The following MGMT variants were observed in gnomAD, a reference collection of about 807,000 sequenced individuals.
MGMT encodes O-6-methylguanine-DNA methyltransferase.
MGMT carries 14 observed loss-of-function variants against 15.9 expected under a neutral mutation model. The ratio of observed to expected loss-of-function variants is 0.88; its 90% CI spans 0.58 to 1.37. The LOEUF (loss-of-function observed/expected upper bound fraction) is 1.37. Among genes scored for constraint, MGMT ranks in the 40% most tolerant of loss-of-function variants. The pLI, the probability that MGMT is intolerant of heterozygous loss-of-function variation, is 0.00. For missense variants in MGMT, 282 were observed against 268.1 expected (o/e 1.05, Z -0.36); for synonymous variants, 130 against 118.2 (o/e 1.10, Z -0.65).
At chr10:129,627,420 AAAGAAAG>A (rs774174215) in intron 2 of MGMT, among the ~76,000 whole-genome samples, 1 of 151,156 alleles carries the variant, frequency 6.6e-6, no homozygotes, top group Non-Finnish European at 1.5e-5. Flanking sequence ...TACTCAAAAA[AAAGAAAG>A]AAAGAAAAAA....
At position 129,770,918 on chromosome 10, in the gene MGMT, G is replaced by A. The variant is rs377560414; in HGVS notation, c.*3921G>A. On this transcript the variant is annotated 3_prime_UTR_variant, in exon 5 of 5. Coordinates refer to ENST00000651593, the MANE Select transcript of MGMT (RefSeq NM_002412.5). The stretch of plus-strand genomic sequence containing the variant: ...TGGCTTCCCTCAGACCTCAGACCGT[G>A]TGGGTTTTTTTTTCTTTCTTTCTTT... Among the ~76,000 whole-genome samples the A allele has an allele frequency of 2.2e-3, 330 of 150,826 alleles. 3 individuals are homozygous for A. The highest frequency in any genetic ancestry group is 2.2e-3 in the Non-Finnish European group (152 of 68,006).
chr10:129,606,817 T>C (rs1190982423), intron 2 of MGMT, among the ~76,000 whole-genome samples: 2 of 152,262 alleles, frequency 1.3e-5, no homozygotes, highest in Non-Finnish European at 2.9e-5. Context: ...TTGAGTCACT[T>C]TGACTGTATT....
intron 2 of MGMT, among the ~76,000 whole-genome samples, chr10:129,686,199 CT>C (rs921345842): frequency 1.4e-4 from 21 of 151,188 alleles, no homozygotes; most frequent in African/African-American, 5.1e-4. Context: ...AACAGAAGCA[CT>C]TTTTTTAAAC....
chr10:129,624,887 A>C (rs543159229), intron 2 of MGMT, among the ~76,000 whole-genome samples: 1 of 152,344 alleles, frequency 6.6e-6, no homozygotes, highest in East Asian at 1.9e-4. Flanking sequence ...GACAAAGTAG[A>C]TATTAAGAAA....
chr10:129,503,832 A>G (rs1330414245), intron 1 of MGMT, among the ~76,000 whole-genome samples: 1 of 152,252 alleles, frequency 6.6e-6, no homozygotes, highest in Non-Finnish European at 1.5e-5. Flanking sequence ...TTAATGTTAC[A>G]GACTTTTTCC....
intron 2 of MGMT, among the ~76,000 whole-genome samples, chr10:129,657,901 G>T (rs1055837238): frequency 1.3e-5 from 2 of 152,062 alleles, no homozygotes; most frequent in Non-Finnish European, 2.9e-5. Context: ...TGAGTGCAAA[G>T]CCTGAACCGG....
rs554507932 is a variant in MGMT, at chr10:129,737,567, C to G, written c.275-21635C>G. Among the ~76,000 whole-genome samples, 647 of 152,360 alleles carry G rather than the reference C, an allele frequency of 4.2e-3. 10 individuals are homozygous for G. Among genetic ancestry groups the G allele is most frequent in the African/African-American group, 0.015 (611 of 41,586 alleles). On this transcript the variant is annotated intron_variant, in intron 3 of 4. Transcript: ENST00000651593. The stretch of plus-strand genomic sequence containing the variant: ...CTTCTCTCAACTCGTCAAAGTCATT[C>G]TCCATCCAGCTTTGTTCCGTTGCTG...
At position 129,767,138 on chromosome 10, in the gene MGMT, ACAG is replaced by A; in HGVS notation, c.*145_*147del. The stretch of plus-strand genomic sequence containing the variant: ...TCTGCCCTTTCTGTTTCCATATTTT[ACAG>A]CAGGATGAGTTCAGACGCCCGCGGT... On this transcript the variant is annotated 3_prime_UTR_variant, in exon 5 of 5. Transcript: ENST00000651593. The A allele has an allele frequency of 1.4e-6, 1 of 731,216 alleles. No homozygotes were observed. The highest frequency in any genetic ancestry group is 2.8e-5 in the East Asian group (1 of 35,262). The allele number at this position is 731,216 out of a possible 1,614,324, so 45.3% of individuals were successfully genotyped here.
At chr10:129,655,206 T>G (rs1277805004) in intron 2 of MGMT, among the ~76,000 whole-genome samples, 1 of 152,194 alleles carries the variant, frequency 6.6e-6, no homozygotes, top group Non-Finnish European at 1.5e-5. Flanking sequence ...GCGGAGGGCC[T>G]GGGCAGATGC....
intron 2 of MGMT, among the ~76,000 whole-genome samples, chr10:129,558,928 T>C (rs1014867092): frequency 6.6e-6 from 1 of 152,198 alleles, no homozygotes; most frequent in Non-Finnish European, 1.5e-5. Context: ...TCTGTTCTGC[T>C]CTGGGGGCGG....
chr10:129,510,029 C>G (rs1845664483), intron 1 of MGMT, among the ~76,000 whole-genome samples: 1 of 152,296 alleles, frequency 6.6e-6, no homozygotes, highest in African/African-American at 2.4e-5. Flanking sequence ...CAGTGTCCAT[C>G]TGGGGTCCTG....
chr10:129,703,251 A>G (rs1475894166), intron 2 of MGMT, among the ~76,000 whole-genome samples: 4 of 152,234 alleles, frequency 2.6e-5, no homozygotes, highest in Admixed American at 6.5e-5. Context: ...GATGAATTTT[A>G]CTACTATAAA....
At chr10:129,651,117 G>C (rs1459786105) in intron 2 of MGMT, among the ~76,000 whole-genome samples, 1 of 152,118 alleles carries the variant, frequency 6.6e-6, no homozygotes, top group Non-Finnish European at 1.5e-5. Context: ...TCTCTGGATG[G>C]CCTGGATGCC....
intron 2 of MGMT, among the ~76,000 whole-genome samples, chr10:129,627,427 G>GA (rs1457717674): frequency 1.2e-5 from 1 of 81,830 alleles, no homozygotes; most frequent in African/African-American, 4.3e-5. Flanking sequence ...AAAAAAGAAA[G>GA]AAAGAAAAAA....
chr10:129,576,881 A>C (rs1206502759), intron 2 of MGMT, among the ~76,000 whole-genome samples: 1 of 152,240 alleles, frequency 6.6e-6, no homozygotes. Context: ...AAGCATTCTT[A>C]TACACCAATA....
chr10:129,679,992 T>G (rs1023411090), intron 2 of MGMT, among the ~76,000 whole-genome samples: 1 of 152,234 alleles, frequency 6.6e-6, no homozygotes, highest in Non-Finnish European at 1.5e-5. Context: ...TCCCATAGTT[T>G]AAGTGTAGAG....
intron 1 of MGMT, among the ~76,000 whole-genome samples, chr10:129,487,912 G>GT (rs1554902742): frequency 2.9e-5 from 4 of 137,606 alleles, no homozygotes; most frequent in South Asian, 2.4e-4. Flanking sequence ...ACCATATAGG[G>GT]GTGTGTGTGT....
At chr10:129,632,092 T>C (rs1847216637) in intron 2 of MGMT, among the ~76,000 whole-genome samples, 1 of 152,248 alleles carries the variant, frequency 6.6e-6, no homozygotes, top group African/African-American at 2.4e-5. Context: ...TTGGATTGCG[T>C]CACACTGCAT....
At chr10:129,535,447 C>G (rs1480778763) in intron 1 of MGMT, among the ~76,000 whole-genome samples, 2 of 152,166 alleles carry the variant, frequency 1.3e-5, no homozygotes, top group African/African-American at 4.8e-5. Context: ...TAGATGTGTT[C>G]CCCTGTATTC....
Sources: allele counts gnomAD v4.1 joint callset (sites outside exome capture counted in the v4.1 genomes callset), GRCh38; gene constraint gnomAD v4.1.1; transcripts MANE v1.5; gene names NCBI Gene and HGNC (gene_info 2026-07-23, HGNC 2026-07-21).